Variants in EPHA6 observed in about 807,000 individuals in gnomAD.
EPHA6 encodes the protein ephrin type-A receptor 6.
A neutral mutation model predicts 112.0 loss-of-function variants in EPHA6; 50 were observed. The ratio of observed to expected loss-of-function variants is 0.45; its 90% confidence interval spans 0.36 to 0.56. The LOEUF (loss-of-function observed/expected upper bound fraction) is 0.56, where lower values mean the gene tolerates loss of function less well. Among genes scored for constraint, EPHA6 ranks in the 20% least tolerant of loss-of-function variants. The pLI is 0.00. For missense variants in EPHA6, 1,280 were observed against 1,417.4 expected, an observed-to-expected ratio of 0.90 and a Z score of 1.56; for synonymous variants, 529 against 490.7, an observed-to-expected ratio of 1.08 and a Z score of -1.03.
chr3:96,872,476 C>G (rs149274663), intron 2 of EPHA6, among the ~76,000 whole-genome samples: 1 of 152,190 alleles, frequency 6.6e-6, no homozygotes, highest in East Asian at 1.9e-4. Flanking sequence ...TTCTTCTCTC[C>G]AAAGAATGTT....
At chr3:97,362,285 A>T (rs1273257636) in intron 5 of EPHA6, among the ~76,000 whole-genome samples, 1 of 152,148 alleles carries the variant, frequency 6.6e-6, no homozygotes, top group African/African-American at 2.4e-5. Flanking sequence ...AGTATTGCCA[A>T]TCAGCTTATT....
At chr3:97,096,039 C>G (rs183678321) in intron 3 of EPHA6, among the ~76,000 whole-genome samples, 5 of 151,930 alleles carry the variant, frequency 3.3e-5, no homozygotes, top group African/African-American at 7.2e-5. Context: ...GTGGATAAGA[C>G]ACATAGGACT....
At chr3:96,883,136 G>A (rs1393913199) in intron 2 of EPHA6, among the ~76,000 whole-genome samples, 1 of 152,094 alleles carries the variant, frequency 6.6e-6, no homozygotes, top group African/African-American at 2.4e-5. Context: ...GGAGTAAGGT[G>A]GTATCACATT....
At chr3:97,238,381 T>G (rs1460957466) in intron 4 of EPHA6, among the ~76,000 whole-genome samples, 1 of 151,982 alleles carries the variant, frequency 6.6e-6, no homozygotes, top group East Asian at 1.9e-4. Flanking sequence ...TTGTCAAAAT[T>G]TGTACTATGT....
At chr3:96,944,525 G>C (rs1321991760) in intron 2 of EPHA6, among the ~76,000 whole-genome samples, 3 of 152,106 alleles carry the variant, frequency 2.0e-5, no homozygotes, top group East Asian at 1.9e-4. Flanking sequence ...TACCTATTCA[G>C]CTGGCATGTA....
At chr3:96,974,895 A>T (rs2042460996) in intron 2 of EPHA6, among the ~76,000 whole-genome samples, 1 of 152,124 alleles carries the variant, frequency 6.6e-6, no homozygotes, top group Non-Finnish European at 1.5e-5. Context: ...TCATAGGAGG[A>T]AATGAGAACA....
chr3:97,445,819 C>G (rs2090324302), intron 6 of EPHA6, among the ~76,000 whole-genome samples: 1 of 151,904 alleles, frequency 6.6e-6, no homozygotes, highest in African/African-American at 2.4e-5. Context: ...GGAATTTTAT[C>G]ACACATTCAG....
At chr3:97,257,808 A>G (rs569987306) in intron 5 of EPHA6, among the ~76,000 whole-genome samples, 16 of 152,168 alleles carry the variant, frequency 1.1e-4, no homozygotes, top group African/African-American at 3.9e-4. Context: ...ATGTCTGTGA[A>G]ATGGAATGAC....
At chr3:97,404,399 T>C (rs572684817) in intron 5 of EPHA6, among the ~76,000 whole-genome samples, 1 of 152,310 alleles carries the variant, frequency 6.6e-6, no homozygotes, top group South Asian at 2.1e-4. Flanking sequence ...TTTTTCTGAA[T>C]GATTGTTGAC....
chr3:97,163,566 TTGTCTAGTTATA>T (rs2076466920), intron 3 of EPHA6, among the ~76,000 whole-genome samples: 1 of 152,170 alleles, frequency 6.6e-6, no homozygotes, highest in African/African-American at 2.4e-5. Flanking sequence ...AATTTGTACC[TTGTCTAGTTATA>T]GGTCTAGAAG....
intron 6 of EPHA6, among the ~76,000 whole-genome samples, chr3:97,406,356 A>T (rs770728856): frequency 2.0e-5 from 3 of 152,122 alleles, no homozygotes; most frequent in Non-Finnish European, 4.4e-5. Context: ...TTGGTTATTG[A>T]TCTCATTGTG....
intron 2 of EPHA6, among the ~76,000 whole-genome samples, chr3:96,967,912 T>C (rs1467488417): frequency 6.6e-6 from 1 of 151,864 alleles, no homozygotes; most frequent in Non-Finnish European, 1.5e-5. Context: ...AGTCTTTATC[T>C]TTTAAAAGTG....
At chr3:97,272,368 G>A (rs1422341896) in intron 5 of EPHA6, among the ~76,000 whole-genome samples, 2 of 151,776 alleles carry the variant, frequency 1.3e-5, no homozygotes, top group East Asian at 1.9e-4. Context: ...TTTGCTGCAC[G>A]ACAGGGATAC....
intron 12 of EPHA6, among the ~76,000 whole-genome samples, chr3:97,596,182 G>A (rs2093589329): frequency 1.3e-5 from 2 of 152,138 alleles, no homozygotes; most frequent in Non-Finnish European, 2.9e-5. Context: ...TGGGATTACA[G>A]GCGTGAGCCA....
chr3:97,224,234 C>G (rs969043152), intron 3 of EPHA6, among the ~76,000 whole-genome samples: 1 of 152,028 alleles, frequency 6.6e-6, no homozygotes, highest in African/African-American at 2.4e-5. Context: ...CTGTTAGACA[C>G]AGTGTATTTA....
intron 5 of EPHA6, among the ~76,000 whole-genome samples, chr3:97,252,566 G>C (rs565688703): frequency 6.6e-6 from 1 of 152,250 alleles, no homozygotes; most frequent in African/African-American, 2.4e-5. Context: ...CCTGCACTGA[G>C]GTCAATATAT....
chr3:97,654,611 A>G (rs1321883270), intron 14 of EPHA6, among the ~76,000 whole-genome samples: 2 of 152,004 alleles, frequency 1.3e-5, no homozygotes, highest in African/African-American at 4.8e-5. Context: ...TGAAAATTGT[A>G]AAGGTACCAG....
intron 14 of EPHA6, among the ~76,000 whole-genome samples, chr3:97,711,145 C>G (rs369474284): frequency 3.6e-4 from 55 of 152,152 alleles, no homozygotes; most frequent in African/African-American, 1.3e-3. Flanking sequence ...GGTGAATTGG[C>G]TTCACAAGAT....
intron 13 of EPHA6, among the ~76,000 whole-genome samples, chr3:97,616,530 A>T (rs958901049): frequency 2.0e-5 from 3 of 152,206 alleles, no homozygotes; most frequent in Non-Finnish European, 4.4e-5. Flanking sequence ...GCTAAAAATC[A>T]TGATAAAACA....
Sources: allele counts gnomAD v4.1 joint callset (sites outside exome capture counted in the v4.1 genomes callset), GRCh38; gene constraint gnomAD v4.1.1; transcripts MANE v1.5; gene names NCBI Gene and HGNC (gene_info 2026-07-23, HGNC 2026-07-21).